ARPC5L: variants seen among roughly 807,000 people sequenced by gnomAD.
The protein encoded by ARPC5L is actin related protein 2/3 complex subunit 5 like.
Under a neutral mutation model 16.9 loss-of-function variants are expected in ARPC5L, and 4 were observed. The ratio of observed to expected loss-of-function variants is 0.24; its 90% CI spans 0.12 to 0.54. The LOEUF is 0.54. ARPC5L is among the 20% of genes least tolerant of loss of function. The probability of loss-of-function intolerance (pLI) is 0.95; values close to 1 mark genes in which losing one functional copy is unlikely to be tolerated. For missense variants in ARPC5L, 151 were observed against 201.9 expected (o/e 0.75, Z 1.53); for synonymous variants, 78 against 82.6 (o/e 0.94, Z 0.30).
rs2274968 is a variant in ARPC5L at position 124,869,501 on chromosome 9, A to G, written c.149+62A>G. 3.6e-5 allele frequency: 50 copies of G among 1,397,248 alleles called. No homozygotes were observed. In the East Asian group the frequency reaches 1.5e-3, roughly 42 times the overall value. 86.6% of individuals were successfully genotyped at this position (1,397,248 alleles called of 1,614,324 possible). ...GGCCTTCTCACCTTCCCACCTTCCC[A>G]CCTTCTCGGGCCCTTTCGGGCGGGC... is the stretch of plus-strand genomic sequence containing the variant. On this transcript the variant is annotated intron_variant, in intron 3 of 5. Transcript: ENST00000353214.
At position 124,869,210 on chromosome 9, in the gene ARPC5L, C is replaced by A. The variant is rs1025732881; in HGVS notation, c.-81C>A. On this transcript the variant is annotated 5_prime_UTR_variant, in exon 3 of 6. Transcript: ENST00000353214. ...CAGCCGGGCAGCCGCTTCCCGCCCC[C>A]GAGCAGGAGCCGGTGCGAGCGGAGC... 122 of 1,346,074 alleles carry A rather than the reference C, an allele frequency of 9.1e-5. No individual in the cohort carries two copies. The highest frequency in any genetic ancestry group is 2.8e-4 in the Middle Eastern group (1 of 3,568). 83.4% of individuals were successfully genotyped at this position (1,346,074 alleles called of 1,614,324 possible). A position where few individuals can be genotyped will look rare whatever the true frequency, so the allele number is the denominator to read the frequency against.
At chr9:124,872,874 A>G (rs933420670) in intron 3 of ARPC5L, 1 of 152,288 alleles carries the variant, frequency 6.6e-6, no homozygotes. Context: ...GCACGTGGGT[A>G]TCACTGCATG....
At position 124,869,265 on chromosome 9, in the gene ARPC5L, G is replaced by T. The variant is rs1460378464; in HGVS notation, c.-26G>T. The T allele has an allele frequency of 1.3e-6, 2 of 1,506,680 alleles. No individual in the cohort carries two copies. The highest frequency in any genetic ancestry group is 1.2e-5 in the South Asian group (1 of 80,232). 93.3% of individuals were successfully genotyped at this position (1,506,680 alleles called of 1,614,324 possible). On this transcript the variant is annotated 5_prime_UTR_variant, in exon 3 of 6. Transcript: ENST00000353214. ...CCGAGGTCGGGCCGCGAGCGGAGCC[G>T]GCTGAGCGGGCGCCGAGCTCCCGCC...
chr9:124,867,798 CTTTTCTTTTCT>C (rs1829293114), intron 2 of ARPC5L, among the ~76,000 whole-genome samples: 1 of 127,038 alleles, frequency 7.9e-6, no homozygotes. Flanking sequence ...TGAGACTTTT[CTTTTCTTTTCT>C]TTTTTTTTTT....
chr9:124,862,955 C>T (rs1279685684), intron 1 of ARPC5L, among the ~76,000 whole-genome samples: 5 of 152,028 alleles, frequency 3.3e-5, no homozygotes, highest in African/African-American at 1.2e-4. Flanking sequence ...TCAAGCAGCC[C>T]TCCCACCTCA....
chr9:124,870,821 G>A (rs911955605), intron 3 of ARPC5L, among the ~76,000 whole-genome samples: 1 of 152,190 alleles, frequency 6.6e-6, no homozygotes, highest in Admixed American at 6.5e-5. Flanking sequence ...CTTGGTCTGG[G>A]TGCAGAACCT....
chr9:124,873,028 AC>A (rs1829382299), intron 3 of ARPC5L: 1 of 152,278 alleles, frequency 6.6e-6, no homozygotes, highest in Non-Finnish European at 1.5e-5. Flanking sequence ...TGGGGACCTA[AC>A]CCAGATTGTA....
chr9:124,872,597 A>AG (rs1426188702), intron 3 of ARPC5L: 219 of 104,776 alleles, frequency 2.1e-3, no homozygotes, highest in South Asian at 3.9e-3. Context: ...ACTCCGTCTC[A>AG]AAAAAAAAAA....
chr9:124,862,481 A>G (rs1815244961), intron 1 of ARPC5L, 83 bp downstream of exon 1: 1 of 145,704 alleles, frequency 6.9e-6, no homozygotes, highest in African/African-American at 2.5e-5. Context: ...GAGGCAGTAT[A>G]TGGAACTGCA....
At chr9:124,871,951 A>G (rs1052172141) in intron 3 of ARPC5L, among the ~76,000 whole-genome samples, 1 of 152,062 alleles carries the variant, frequency 6.6e-6, no homozygotes, top group African/African-American at 2.4e-5. Flanking sequence ...GGATTCCCTC[A>G]GCACCACAGC....
At chr9:124,873,858 A>T (rs11792468) in intron 4 of ARPC5L, 94 bp downstream of exon 4, 614 of 1,495,570 alleles carry the variant, frequency 4.1e-4, no homozygotes, top group Non-Finnish European at 5.5e-4. Flanking sequence ...TCCACATCAG[A>T]GGGAGTGAGT....
intron 1 of ARPC5L, 104 bp downstream of exon 1, chr9:124,862,502 A>C (rs1161704464): frequency 7.3e-6 from 1 of 136,112 alleles, no homozygotes; most frequent in Non-Finnish European, 1.5e-5. Context: ...AAGAGCATTT[A>C]CACCTTTTTT....
At chr9:124,875,602 T>C (rs985502630) in intron 5 of ARPC5L, among the ~76,000 whole-genome samples, 3 of 152,112 alleles carry the variant, frequency 2.0e-5, no homozygotes, top group Non-Finnish European at 2.9e-5. Flanking sequence ...CAGGCCAGAG[T>C]GAGCAGTGGG....
chr9:124,871,833 G>A (rs139786062), intron 3 of ARPC5L, among the ~76,000 whole-genome samples: 4 of 152,230 alleles, frequency 2.6e-5, no homozygotes, highest in Non-Finnish European at 5.9e-5. Flanking sequence ...AATCCAGTGG[G>A]CAGAGGCCTA....
intron 1 of ARPC5L, among the ~76,000 whole-genome samples, chr9:124,863,709 C>T (rs924675617): frequency 3.9e-5 from 6 of 152,164 alleles, no homozygotes; most frequent in African/African-American, 1.2e-4. Flanking sequence ...GAAAGTGAAA[C>T]GGGAATTCAC....
At position 124,876,985 on chromosome 9, in the gene ARPC5L, C is replaced by A. The variant is rs1225962544; in HGVS notation, c.*45C>A. On this transcript the variant is annotated 3_prime_UTR_variant, in exon 6 of 6. Coordinates refer to ENST00000353214, the MANE Select transcript of ARPC5L (RefSeq NM_030978.3). Reference sequence around the variant, plus strand: ...GTTACCTTGAGAAGAATTCTGGATGCCCAGGCTGGTGAAGAAGGGATTGAC... The same window carrying A: ...GTTACCTTGAGAAGAATTCTGGATGACCAGGCTGGTGAAGAAGGGATTGAC... 6.6e-7 allele frequency: 1 copy of A among 1,521,562 alleles called. No homozygotes were observed. The allele number at this position is 1,521,562 out of a possible 1,614,324, so 94.3% of individuals were successfully genotyped here.
intron 3 of ARPC5L, chr9:124,872,554 G>C (rs552167298): frequency 6.6e-6 from 1 of 152,136 alleles, no homozygotes; most frequent in African/African-American, 2.4e-5. Flanking sequence ...GCAATATTGC[G>C]CCACTGCACT....
chr9:124,874,948 GACTC>G, intron 4 of ARPC5L, 23 bp from the exon 5 acceptor site: 8 of 1,612,852 alleles, frequency 5.0e-6, no homozygotes, highest in Non-Finnish European at 6.8e-6. Flanking sequence ...GCAGCTCTGG[GACTC>G]ACTTGCTCTT....
rs1829319309 is a variant in ARPC5L at position 124,869,284 on chromosome 9, T to G, written c.-7T>G. 1.3e-6 allele frequency: 2 copies of G among 1,516,950 alleles called. No individual in the cohort carries two copies. The highest frequency in any genetic ancestry group is 1.2e-5 in the South Asian group (1 of 82,118). 94.0% of individuals were successfully genotyped at this position (1,516,950 alleles called of 1,614,324 possible). A position where few individuals can be genotyped will look rare whatever the true frequency, so the allele number is the denominator to read the frequency against. ...GGAGCCGGCTGAGCGGGCGCCGAGC[T>G]CCCGCCATGGCCCGGAACACGCTGT... On this transcript the variant is annotated 5_prime_UTR_variant, in exon 3 of 6. Coordinates refer to ENST00000353214, the MANE Select transcript of ARPC5L (RefSeq NM_030978.3).
Sources: gnomAD v4.1 joint callset for allele counts (sites outside exome capture counted in the v4.1 genomes callset) on GRCh38, gnomAD v4.1.1 for gene constraint, MANE v1.5 for transcripts, NCBI Gene and HGNC (gene_info 2026-07-23, HGNC 2026-07-21) for gene names.